The following TDRD6 variants were observed in gnomAD, a reference collection of about 807,000 sequenced individuals.
TDRD6 encodes the protein tudor domain containing 6, also known as tudor domain-containing protein 6.
Under a neutral mutation model 157.5 loss-of-function variants are expected in TDRD6, and 186 were observed. The ratio of observed to expected loss-of-function variants is 1.18; its 90% CI spans 1.05 to 1.33. TDRD6 has a LOEUF of 1.33. TDRD6 is among the 40% of genes most tolerant of loss of function. The probability of loss-of-function intolerance (pLI) is 0.00; values close to 1 mark genes in which losing one functional copy is unlikely to be tolerated. For missense variants in TDRD6, 3,066 were observed against 2,508.0 expected, an observed-to-expected ratio of 1.22 and a Z score of -4.75; for synonymous variants, 1,075 against 945.2, an observed-to-expected ratio of 1.14 and a Z score of -2.52.
In TDRD6 at chr6:46,701,949, G is replaced by A. The variant is rs762601997; in HGVS notation, c.*62G>A. On this transcript the variant is annotated 3_prime_UTR_variant, in exon 4 of 4. Transcript: ENST00000316081. The stretch of plus-strand genomic sequence containing the variant: ...TGCCCTTGAACAAGTGGCATCTTAC[G>A]CAGACCAACAGAGTATTTGAGAAAA... The A allele has an allele frequency of 2.0e-5, 32 of 1,564,154 alleles. No individual in the cohort carries two copies. In the East Asian group the frequency reaches 2.2e-4, roughly 11 times the overall value.
rs749518868 is a variant in TDRD6 at position 46,688,297 on chromosome 6, C to T, written c.169C>T (p.Arg57Cys). Residue 57 changes from arginine to cysteine, a missense_variant, in exon 1 of 4, where the codon CGC (arginine) becomes TGC (cysteine). Arg to Cys is a radical substitution (Grantham distance 180). Transcript: ENST00000316081. ...GGAAATCCAGGAAGCGGCGGCCACGCGCGGCCAGTGGGCGCTGGGCAGCGC... is the reference window on the plus strand; with the variant it reads ...GGAAATCCAGGAAGCGGCGGCCACGTGCGGCCAGTGGGCGCTGGGCAGCGC... Reference protein sequence around the residue: ...SREIQEAAATRGQWALGSASA... With the variant: ...SREIQEAAATCGQWALGSASA... The T allele has an allele frequency of 4.0e-6, 6 of 1,501,224 alleles. No individual in the cohort carries two copies. The highest frequency in any genetic ancestry group is 5.1e-5 in the East Asian group (2 of 39,148). 93.0% of individuals were successfully genotyped at this position (1,501,224 alleles called of 1,614,324 possible).
At position 46,690,803 on chromosome 6, in the gene TDRD6, G is replaced by T. The variant is rs1221439239; in HGVS notation, c.2675G>T (p.Gly892Val). ...CSLYNLIQPV[G>V]QNPFVWDVKA... ...CTTTATAATTTAATTCAACCAGTTG[G>T]CCAGAATCCCTTTGTTTGGGATGTA... Residue 892 changes from glycine to valine, a missense_variant, in exon 1 of 4, where the codon GGC becomes GTC. Transcript: ENST00000316081. The T allele has an allele frequency of 3.7e-6, 6 of 1,614,020 alleles. No individual in the cohort carries two copies. The highest frequency in any genetic ancestry group is 2.7e-5 in the African/African-American group (2 of 75,024).
intron 2 of TDRD6, among the ~76,000 whole-genome samples, chr6:46,696,702 C>G (rs535175041): frequency 7.0e-6 from 1 of 142,500 alleles, no homozygotes; most frequent in South Asian, 2.3e-4. Flanking sequence ...AGCTCTGCCT[C>G]CCAGGTTCAC....
In TDRD6 at chr6:46,693,688, A is replaced by G. The variant is rs778589339; in HGVS notation, c.5560A>G (p.Ile1854Val). Reference sequence around the variant, plus strand: ...AAAAGAATTCTTAGAACTGGAATCTATTGAGTTACAGAATTCTCTGGTGGT... The same window carrying G: ...AAAAGAATTCTTAGAACTGGAATCTGTTGAGTTACAGAATTCTCTGGTGGT... ...ESKEFLELES[I>V]ELQNSLVVDE... is the part of the protein sequence containing the mutation. The change falls in exon 1 of 4, where the codon ATT (isoleucine) becomes GTT (valine). Residue 1854 changes from isoleucine to valine, a missense_variant. Ile to Val is a conservative substitution (Grantham distance 29). Transcript: ENST00000316081. 24 of 1,614,070 alleles carry G rather than the reference A, an allele frequency of 1.5e-5. No individual in the cohort carries two copies. The highest frequency in any genetic ancestry group is 8.8e-5 in the South Asian group (8 of 91,090).
At chr6:46,685,771 A>AT (rs889226188), upstream of TDRD6, among the ~76,000 whole-genome samples, 3 of 52,556 alleles carry the variant, frequency 5.7e-5, no homozygotes, top group African/African-American at 3.3e-4. Context: ...TACAATAATA[A>AT]TAAAAAAAAA....
upstream of TDRD6, among the ~76,000 whole-genome samples, chr6:46,685,862 T>C (rs1255015322): frequency 1.3e-5 from 2 of 152,180 alleles, no homozygotes; most frequent in Non-Finnish European, 2.9e-5. Context: ...AAACTCAAGA[T>C]ATTTTGTTTA....
chr6:46,687,436 T>TAG (rs1764125018), upstream of TDRD6, among the ~76,000 whole-genome samples: 1 of 152,198 alleles, frequency 6.6e-6, no homozygotes, highest in African/African-American at 2.4e-5. Context: ...GGTTAAAGAA[T>TAG]AGAGGCTGAG....
chr6:46,680,366 C>T, the TDRD6 span, among the ~76,000 whole-genome samples: 1 of 151,616 alleles, frequency 6.6e-6, no homozygotes, highest in African/African-American at 2.4e-5. Context: ...TGATTGAACT[C>T]TAGAATCTTA....
chr6:46,701,566 G>T (rs372582846), intron 3 of TDRD6, among the ~76,000 whole-genome samples: 18 of 151,786 alleles, frequency 1.2e-4, no homozygotes, highest in African/African-American at 3.9e-4. Context: ...AAAGGAAAAA[G>T]AACTAATTGA....
chr6:46,696,165 A>G (rs1764489957), intron 2 of TDRD6, among the ~76,000 whole-genome samples: 1 of 152,014 alleles, frequency 6.6e-6, no homozygotes, highest in African/African-American at 2.4e-5. Flanking sequence ...TACTCTTTCT[A>G]AATGCTATTA....
chr6:46,691,015 C>G lies in TDRD6; in HGVS notation c.2887C>G (p.Gln963Glu), dbSNP rs770934988. Residue 963 changes from glutamine to glutamate, a missense_variant, in exon 1 of 4, where the codon CAG becomes GAG. Gln to Glu is a conservative substitution (Grantham distance 29). Transcript: ENST00000316081. ...EKRLARPVKL[Q>E]KPLESSVQLH... is the part of the protein sequence containing the mutation. ...GAGACTTGCAAGACCAGTAAAACTT[C>G]AGAAGCCTTTGGAGTCCTCTGTTCA... 1 of 1,613,720 alleles carries G rather than the reference C, an allele frequency of 6.2e-7. No homozygotes were observed. Among genetic ancestry groups the G allele is most frequent in the African/African-American group, 1.3e-5 (1 of 74,890 alleles).
chr6:46,693,192 T>C lies in TDRD6; in HGVS notation c.5064T>C (p.Gly1688=). The C allele has an allele frequency of 1.9e-6, 3 of 1,609,716 alleles. No individual in the cohort carries two copies. The highest frequency in any genetic ancestry group is 2.5e-6 in the Non-Finnish European group (3 of 1,178,556). ...CAATTGTTGACTTGAAAAGCAAAGG[T>C]AAAAGTATTAATGAGAAAATGGAGA... The part of the protein sequence containing the change: ...PLAIVDLKSK[G]KSINEKMEKY... Residue 1688 remains glycine (G), a synonymous_variant, in exon 1 of 4, where the codon GGT becomes GGC. Coordinates refer to ENST00000316081, the MANE Select transcript of TDRD6 (RefSeq NM_001010870.3).
Position 46,690,925 on chromosome 6 carries a change from G to A in TDRD6, c.2797G>A (p.Glu933Lys). 6.2e-7 allele frequency: 1 copy of A among 1,614,074 alleles called. No individual in the cohort carries two copies. Among genetic ancestry groups the A allele is most frequent in the Non-Finnish European group, 8.5e-7 (1 of 1,179,974 alleles). ...TIFALASINEELFNIVDLLTP... is the reference protein window; with the variant it reads ...TIFALASINEKLFNIVDLLTP... Reference sequence around the variant, plus strand: ...ATTTGCTCTGGCTTCAATTAATGAAGAACTGTTTAACATTGTGGATTTGCT... The same window carrying A: ...ATTTGCTCTGGCTTCAATTAATGAAAAACTGTTTAACATTGTGGATTTGCT... Residue 933 changes from glutamate to lysine, a missense_variant, in exon 1 of 4, where the codon GAA becomes AAA. By Grantham distance (56) the Glu-to-Lys change is moderately conservative. Transcript: ENST00000316081.
In TDRD6 at chr6:46,688,913, C is replaced by A; in HGVS notation, c.785C>A (p.Pro262His). 1 of 1,607,742 alleles carries A rather than the reference C, an allele frequency of 6.2e-7. No homozygotes were observed. Among genetic ancestry groups the A allele is most frequent in the Non-Finnish European group, 8.5e-7 (1 of 1,176,012 alleles). Residue 262 changes from proline to histidine, a missense_variant, in exon 1 of 4, where the codon CCC becomes CAC. Coordinates refer to ENST00000316081, the MANE Select transcript of TDRD6 (RefSeq NM_001010870.3). ...EAVVITQVCH[P>H]HRIHCQLRSV... ...GTGGTCATAACCCAAGTGTGCCATCCCCACCGCATTCACTGCCAGCTCCGC... is the reference window on the plus strand; with the variant it reads ...GTGGTCATAACCCAAGTGTGCCATCACCACCGCATTCACTGCCAGCTCCGC...
In TDRD6 at chr6:46,692,723, A is replaced by C; in HGVS notation, c.4595A>C (p.Glu1532Ala). 1 of 1,614,196 alleles carries C rather than the reference A, an allele frequency of 6.2e-7. No homozygotes were observed. Among genetic ancestry groups the C allele is most frequent in the Non-Finnish European group, 8.5e-7 (1 of 1,180,032 alleles). ...TATGCCACTGTGATAGATGGACCTGAGTACTTTTGGTGTCAGTTTGCTGAT... is the reference window on the plus strand; with the variant it reads ...TATGCCACTGTGATAGATGGACCTGCGTACTTTTGGTGTCAGTTTGCTGAT... ...RAYATVIDGPEYFWCQFADTE... is the reference protein window; with the variant it reads ...RAYATVIDGPAYFWCQFADTE... The change falls in exon 1 of 4, where the codon GAG becomes GCG. Residue 1532 changes from glutamate to alanine, a missense_variant. Coordinates refer to ENST00000316081, the MANE Select transcript of TDRD6 (RefSeq NM_001010870.3).
At chr6:46,700,468 A>G (rs1489366142) in intron 3 of TDRD6, among the ~76,000 whole-genome samples, 1 of 152,176 alleles carries the variant, frequency 6.6e-6, no homozygotes, top group African/African-American at 2.4e-5. Context: ...TCAAGTCACT[A>G]TGATCTAGGA....
In TDRD6 at chr6:46,696,549, ATATGTGTGTGTG is replaced by A. The variant is rs1244353942; in HGVS notation, c.6171+606_6171+617del. Among the ~76,000 whole-genome samples, 126 of 65,146 alleles carry A rather than the reference ATATGTGTGTGTG, an allele frequency of 1.9e-3. 2 individuals carry two copies. The highest frequency in any genetic ancestry group is 3.2e-3 in the African/African-American group (40 of 12,418). The allele number at this position is 65,146 out of a possible 152,430, so 42.7% of individuals were successfully genotyped here. A position where few individuals can be genotyped will look rare whatever the true frequency, so the allele number is the denominator to read the frequency against. On this transcript the variant is annotated intron_variant, in intron 2 of 3. Transcript: ENST00000316081. ...TGTATATATGTGTATATATATGTAT[ATATGTGTGTGTG>A]TGTGTGTGTGTGTGTGTGTGTATAT...
intron 3 of TDRD6, chr6:46,700,881 T>C (rs1582554096): frequency 3.7e-6 from 1 of 271,746 alleles, no homozygotes; most frequent in East Asian, 1.2e-4. Flanking sequence ...ATAATTTTGA[T>C]AGAAATACAT....
chr6:46,688,393 C>G lies in TDRD6; in HGVS notation c.265C>G (p.Arg89Gly), dbSNP rs1228011698. 6.5e-6 allele frequency: 10 copies of G among 1,536,896 alleles called. No homozygotes were observed. Among genetic ancestry groups the G allele is most frequent in the Non-Finnish European group, 8.7e-6 (10 of 1,145,248 alleles). The change falls in exon 1 of 4, where the codon CGG (arginine) becomes GGG (glycine). Residue 89 changes from arginine to glycine, a missense_variant. Arg to Gly is a moderately radical substitution (Grantham distance 125, BLOSUM62 -2). Coordinates refer to ENST00000316081, the MANE Select transcript of TDRD6 (RefSeq NM_001010870.3). The part of the protein sequence containing the change: ...LLWHRCRVVS[R>G]QAQESRVFLL... ...GTGGCACCGCTGCCGCGTGGTCAGC[C>G]GGCAGGCACAGGAGAGCCGTGTCTT...
Sources: gnomAD v4.1 joint callset for allele counts (sites outside exome capture counted in the v4.1 genomes callset) on GRCh38, gnomAD v4.1.1 for gene constraint, MANE v1.5 for transcripts, NCBI Gene and HGNC (gene_info 2026-07-23, HGNC 2026-07-21) for gene names.